The following LANCL2 variants were observed in gnomAD, a reference collection of about 807,000 sequenced individuals.
LANCL2 encodes the protein LanC like glutathione S-transferase 2.
A neutral mutation model predicts 56.9 loss-of-function variants in LANCL2; 33 were observed. That is an observed-to-expected ratio of 0.58 (90% CI 0.44 to 0.78). The LOEUF (loss-of-function observed/expected upper bound fraction) is 0.78. LANCL2 is among the 30% of genes least tolerant of loss of function. LANCL2 has a pLI of 0.00. For synonymous variants in LANCL2, 233 were observed against 228.2 expected (o/e 1.02, Z -0.19); for missense variants, 562 against 580.2 (o/e 0.97, Z 0.32).
intron 2 of LANCL2, among the ~76,000 whole-genome samples, chr7:55,394,731 C>G (rs1279051419): frequency 6.6e-6 from 1 of 151,924 alleles, no homozygotes; most frequent in African/African-American, 2.4e-5. Context: ...GGCTGAATCA[C>G]TCCGACCCCA....
At position 55,411,986 on chromosome 7, in the gene LANCL2, G is replaced by C; in HGVS notation, c.905G>C (p.Arg302Pro). 8 of 1,614,184 alleles carry C rather than the reference G, an allele frequency of 5.0e-6. No homozygotes were observed. The highest frequency in any genetic ancestry group is 6.8e-6 in the Non-Finnish European group (8 of 1,180,016). ...SIDYVRHKKF[R>P]SGNYPSSLSN... is the part of the protein sequence containing the mutation. ...GATTATGTGCGCCACAAAAAATTCC[G>C]ATCTGGGAATTACCCATCATCATTA... The change falls in exon 6 of 9, where the codon CGA (arginine) becomes CCA (proline). Residue 302 changes from arginine to proline, a missense_variant. Physicochemically the swap from Arg to Pro is moderately radical, Grantham distance 103 (BLOSUM62 -2). Coordinates refer to ENST00000254770, the MANE Select transcript of LANCL2 (RefSeq NM_018697.4).
chr7:55,389,189 G>A (rs1433846713), intron 1 of LANCL2, among the ~76,000 whole-genome samples: 1 of 152,088 alleles, frequency 6.6e-6, no homozygotes, highest in Admixed American at 6.5e-5. Flanking sequence ...GAGGATCTGG[G>A]GGTTGAATTC....
chr7:55,388,710 T>C (rs1191023978), intron 1 of LANCL2, among the ~76,000 whole-genome samples: 1 of 152,210 alleles, frequency 6.6e-6, no homozygotes, highest in Non-Finnish European at 1.5e-5. Flanking sequence ...GACGAATTTT[T>C]CCCATCTCTT....
At chr7:55,424,360 CA>C (rs1376761550) in intron 6 of LANCL2, among the ~76,000 whole-genome samples, 1 of 152,168 alleles carries the variant, frequency 6.6e-6, no homozygotes, top group East Asian at 1.9e-4. Flanking sequence ...TCCTGGACCC[CA>C]GAAAGCTTTG....
intron 5 of LANCL2, among the ~76,000 whole-genome samples, chr7:55,409,573 A>G (rs1421609296): frequency 6.6e-6 from 1 of 152,192 alleles, no homozygotes; most frequent in Non-Finnish European, 1.5e-5. Flanking sequence ...TACTCTAAGA[A>G]GGAGGATCAG....
Position 55,378,175 on chromosome 7 carries a change from T to C in LANCL2, c.204+11946T>C, listed in dbSNP as rs144818005. On this transcript the variant is annotated intron_variant, in intron 1 of 8. Coordinates refer to ENST00000254770, the MANE Select transcript of LANCL2 (RefSeq NM_018697.4). ...TTGTTAGTTATCTTTATAATACCAT[T>C]ATTGCCAGGTGCAGTGGCTCATGCC... Among the ~76,000 whole-genome samples the C allele has an allele frequency of 4.8e-3, 738 of 152,312 alleles. 4 individuals carry two copies. Among genetic ancestry groups the C allele is most frequent in the Middle Eastern group, 0.02 (6 of 294 alleles).
At chr7:55,408,937 G>A (rs543386813) in intron 5 of LANCL2, among the ~76,000 whole-genome samples, 160 of 142,964 alleles carry the variant, frequency 1.1e-3, no homozygotes, top group Admixed American at 2.9e-3. Flanking sequence ...AGCCGAGATC[G>A]TGCCACTGCA....
intron 6 of LANCL2, among the ~76,000 whole-genome samples, chr7:55,419,911 T>C (rs571595601): frequency 6.6e-6 from 1 of 152,248 alleles, no homozygotes; most frequent in East Asian, 1.9e-4. Flanking sequence ...TCCAGCACTT[T>C]TGGAGGCCAA....
chr7:55,429,854 G>T (rs574246729), intron 8 of LANCL2, among the ~76,000 whole-genome samples: 19 of 152,388 alleles, frequency 1.2e-4, no homozygotes, highest in African/African-American at 4.1e-4. Context: ...CCTCGCCAGT[G>T]CCTGGCAGAC....
At chr7:55,366,371 C>A in intron 1 of LANCL2, 142 bp downstream of exon 1, 2 of 673,204 alleles carry the variant, frequency 3.0e-6, no homozygotes, top group Non-Finnish European at 2.3e-6. Flanking sequence ...TGTCTCCGGG[C>A]CTTCCCGATG....
chr7:55,408,785 C>G (rs998335489), intron 5 of LANCL2, among the ~76,000 whole-genome samples: 1 of 151,892 alleles, frequency 6.6e-6, no homozygotes, highest in African/African-American at 2.4e-5. Flanking sequence ...ATTGTGAAAG[C>G]TTAAGATAAA....
intron 1 of LANCL2, among the ~76,000 whole-genome samples, chr7:55,379,371 A>T (rs896179367): frequency 6.6e-6 from 1 of 152,210 alleles, no homozygotes; most frequent in Non-Finnish European, 1.5e-5. Context: ...AACCTCCCAG[A>T]ACCTCCTAGA....
intron 2 of LANCL2, chr7:55,394,245 C>T (rs1328804347): frequency 1.3e-5 from 2 of 152,156 alleles, no homozygotes; most frequent in African/African-American, 4.8e-5. Flanking sequence ...TGGAATCCAC[C>T]TAGATCCATA....
intron 1 of LANCL2, among the ~76,000 whole-genome samples, chr7:55,374,828 T>G (rs1236793502): frequency 2.0e-5 from 3 of 152,240 alleles, no homozygotes; most frequent in African/African-American, 7.2e-5. Context: ...TTGCAAAGTT[T>G]GCACATCATC....
chr7:55,402,512 G>A (rs1235105403), intron 5 of LANCL2, among the ~76,000 whole-genome samples: 2 of 142,272 alleles, frequency 1.4e-5, no homozygotes, highest in Admixed American at 6.8e-5. Flanking sequence ...GGGCAGAGGC[G>A]CCCCCCACCT....
intron 6 of LANCL2, among the ~76,000 whole-genome samples, chr7:55,417,686 GA>G (rs746417055): frequency 3.9e-5 from 6 of 152,058 alleles, no homozygotes; most frequent in Non-Finnish European, 7.4e-5. Context: ...AGAACTAACT[GA>G]CATCTTTTTT....
chr7:55,392,321 T>C (rs866596990), intron 2 of LANCL2, among the ~76,000 whole-genome samples: 4 of 148,030 alleles, frequency 2.7e-5, no homozygotes, highest in Admixed American at 1.3e-4. Flanking sequence ...AGATTTTATA[T>C]CTTTTTTTTT....
At chr7:55,417,718 G>A (rs1489012049) in intron 6 of LANCL2, among the ~76,000 whole-genome samples, 1 of 151,826 alleles carries the variant, frequency 6.6e-6, no homozygotes, top group Non-Finnish European at 1.5e-5. Context: ...AGTCTTGCTT[G>A]GTCGCCCAGG....
intron 6 of LANCL2, among the ~76,000 whole-genome samples, chr7:55,424,685 C>G (rs1790643213): frequency 6.6e-6 from 1 of 152,170 alleles, no homozygotes; most frequent in Non-Finnish European, 1.5e-5. Flanking sequence ...GCAGGGGTCC[C>G]CAGCCCCCAG....
Sources: allele counts gnomAD v4.1 joint callset (sites outside exome capture counted in the v4.1 genomes callset), GRCh38; gene constraint gnomAD v4.1.1; transcripts MANE v1.5; gene names NCBI Gene and HGNC (gene_info 2026-07-23, HGNC 2026-07-21).